The following SHISA9 variants were observed in gnomAD, a reference collection of about 807,000 sequenced individuals.
The protein encoded by SHISA9 is shisa family member 9, also known as protein shisa-9.
SHISA9 carries 13 observed loss-of-function variants against 38.0 expected under a neutral mutation model. That is an observed-to-expected ratio of 0.34 (90% CI 0.22 to 0.54). SHISA9 has a LOEUF of 0.54. SHISA9 is among the 20% of genes least tolerant of loss of function. SHISA9 has a pLI of 0.91. For synonymous variants in SHISA9, 275 were observed against 242.0 expected (o/e 1.14, Z -1.27); for missense variants, 538 against 575.8 (o/e 0.93, Z 0.67).
chr16:13,377,826 G>A, the SHISA9 span, among the ~76,000 whole-genome samples: 11 of 152,040 alleles, frequency 7.2e-5, no homozygotes, highest in Admixed American at 7.2e-4. Context: ...TCAGGAGTTC[G>A]AGACCAGCCT....
At chr16:12,929,960 G>C (rs1335966967) in intron 2 of SHISA9, among the ~76,000 whole-genome samples, 1 of 152,026 alleles carries the variant, frequency 6.6e-6, no homozygotes, top group Non-Finnish European at 1.5e-5. Context: ...TATCTTTTTG[G>C]GGGGCCTTAC....
downstream of SHISA9, among the ~76,000 whole-genome samples, chr16:13,242,407 A>G (rs1011202724): frequency 3.3e-5 from 5 of 152,180 alleles, no homozygotes; most frequent in African/African-American, 1.2e-4. Context: ...CCTGGACCCT[A>G]TGATGAGAAG....
intron 2 of SHISA9, among the ~76,000 whole-genome samples, chr16:13,084,115 G>A (rs2073684606): frequency 6.6e-6 from 1 of 152,070 alleles, no homozygotes; most frequent in Non-Finnish European, 1.5e-5. Context: ...AAAGAAAAAA[G>A]GCTAGTTTCT....
At chr16:13,065,555 T>G (rs2073424380) in intron 2 of SHISA9, among the ~76,000 whole-genome samples, 1 of 152,262 alleles carries the variant, frequency 6.6e-6, no homozygotes, top group African/African-American at 2.4e-5. Flanking sequence ...CAGGTGGGCT[T>G]TTGCCCATGT....
At chr16:12,959,406 G>C (rs1331138662) in intron 2 of SHISA9, among the ~76,000 whole-genome samples, 2 of 152,210 alleles carry the variant, frequency 1.3e-5, no homozygotes, top group Non-Finnish European at 2.9e-5. Flanking sequence ...CACATCAGCA[G>C]AGGAAAAGCT....
At chr16:13,148,745 C>G (rs2050471454) in intron 2 of SHISA9, among the ~76,000 whole-genome samples, 1 of 148,998 alleles carries the variant, frequency 6.7e-6, no homozygotes, top group Non-Finnish European at 1.5e-5. Flanking sequence ...GCATATAGAC[C>G]ATACTTATTT....
At chr16:12,946,472 TAGA>T (rs1335469114) in intron 2 of SHISA9, among the ~76,000 whole-genome samples, 2 of 152,034 alleles carry the variant, frequency 1.3e-5, no homozygotes, top group Non-Finnish European at 2.9e-5. Context: ...GAGATTCTCT[TAGA>T]AGGAGGAGAG....
At chr16:13,343,180 T>G in the SHISA9 span, among the ~76,000 whole-genome samples, 1 of 152,198 alleles carries the variant, frequency 6.6e-6, no homozygotes, top group African/African-American at 2.4e-5. Context: ...ATAGAGAAAC[T>G]GGAAAACTTC....
the SHISA9 span, among the ~76,000 whole-genome samples, chr16:13,340,140 A>C: frequency 6.6e-6 from 1 of 152,160 alleles, no homozygotes; most frequent in Non-Finnish European, 1.5e-5. Flanking sequence ...CTTGGGACTA[A>C]TTGACAGCAT....
At chr16:12,974,978 CA>C (rs1317390407) in intron 2 of SHISA9, among the ~76,000 whole-genome samples, 1 of 152,040 alleles carries the variant, frequency 6.6e-6, no homozygotes, top group Non-Finnish European at 1.5e-5. Flanking sequence ...GCTGAGATTC[CA>C]GCATTGGTAC....
chr16:12,966,987 C>G (rs1488695194), intron 2 of SHISA9, among the ~76,000 whole-genome samples: 1 of 152,092 alleles, frequency 6.6e-6, no homozygotes, highest in African/African-American at 2.4e-5. Context: ...CTGGGGAGGT[C>G]CAGAAATGAA....
chr16:13,544,940 C>T, the SHISA9 span, among the ~76,000 whole-genome samples: 1 of 149,620 alleles, frequency 6.7e-6, no homozygotes. Flanking sequence ...GAGACTCCGT[C>T]AAAAAAAAAC....
At chr16:12,982,408 A>T (rs1318283982) in intron 2 of SHISA9, among the ~76,000 whole-genome samples, 1 of 152,234 alleles carries the variant, frequency 6.6e-6, no homozygotes, top group Non-Finnish European at 1.5e-5. Flanking sequence ...ACAGCACTAC[A>T]CTAGAATATA....
In SHISA9 at chr16:13,060,814, C is replaced by T. The variant is rs145550672; in HGVS notation, c.692-142580C>T. Among the ~76,000 whole-genome samples, 469 of 152,270 alleles carry T rather than the reference C, an allele frequency of 3.1e-3. 1 individual carries two copies. The highest frequency in any genetic ancestry group is 0.01 in the African/African-American group (435 of 41,556). ...CTCCTGGGTAGGGCAGAGCCAAGGG[C>T]TGGCGTGGGAGTTGGAAGTCAGAGA... On this transcript the variant is annotated intron_variant, in intron 2 of 4. Coordinates refer to ENST00000558583, the MANE Select transcript of SHISA9 (RefSeq NM_001145204.3).
chr16:12,972,030 T>G (rs1233337804), intron 2 of SHISA9, among the ~76,000 whole-genome samples: 1 of 140,222 alleles, frequency 7.1e-6, no homozygotes, highest in Non-Finnish European at 1.5e-5. Flanking sequence ...AAATCTCTGC[T>G]CTCTTGGAGT....
chr16:12,989,811 G>A (rs2072360996), intron 2 of SHISA9, among the ~76,000 whole-genome samples: 1 of 152,124 alleles, frequency 6.6e-6, no homozygotes, highest in Admixed American at 6.5e-5. Flanking sequence ...GGGTCCATGT[G>A]TAGGATGTGC....
chr16:13,169,483 A>T (rs1452072337), intron 2 of SHISA9, among the ~76,000 whole-genome samples: 1 of 152,230 alleles, frequency 6.6e-6, no homozygotes, highest in Non-Finnish European at 1.5e-5. Context: ...ATAGAGCTTT[A>T]AAAAAATCAT....
chr16:13,248,943 G>A, the SHISA9 span, among the ~76,000 whole-genome samples: 2 of 152,122 alleles, frequency 1.3e-5, no homozygotes, highest in South Asian at 4.2e-4. Context: ...CCCAAGCAAG[G>A]GAGCAGGGCT....
chr16:13,379,423 C>T, the SHISA9 span, among the ~76,000 whole-genome samples: 13 of 152,084 alleles, frequency 8.5e-5, no homozygotes, highest in Non-Finnish European at 1.8e-4. Flanking sequence ...GAGCTTTTCA[C>T]GAAGAAGGAG....
Sources: gnomAD v4.1 joint callset for allele counts (sites outside exome capture counted in the v4.1 genomes callset) on GRCh38, gnomAD v4.1.1 for gene constraint, MANE v1.5 for transcripts, NCBI Gene and HGNC (gene_info 2026-07-23, HGNC 2026-07-21) for gene names.